LRRC37A2: variants seen among roughly 807,000 people sequenced by gnomAD.
LRRC37A2 encodes leucine-rich repeat-containing protein 37A2.
A neutral mutation model predicts 68.8 loss-of-function variants in LRRC37A2; 9 were observed. The observed-to-expected ratio is 0.13, with a 90% CI of 0.08 to 0.23. LRRC37A2 has a LOEUF of 0.23. LRRC37A2 is among the 10% of genes least tolerant of loss of function. The pLI is 1.00. For missense variants in LRRC37A2, 168 were observed against 950.4 expected, an observed-to-expected ratio of 0.18 and a Z score of 10.82; for synonymous variants, 63 against 367.6, an observed-to-expected ratio of 0.17 and a Z score of 9.48.
chr17:46,691,719 GGT>G, the LRRC37A2 span, among the ~76,000 whole-genome samples: 4 of 151,468 alleles, frequency 2.6e-5, no homozygotes, highest in Non-Finnish European at 1.5e-5. Context: ...GTCATATTTA[GGT>G]TATGTTCATT....
the LRRC37A2 span, among the ~76,000 whole-genome samples, chr17:46,908,227 G>A: frequency 6.6e-6 from 1 of 151,814 alleles, no homozygotes; most frequent in South Asian, 2.1e-4. Context: ...CTTGTGCAAG[G>A]AAGCCTGTCA....
the LRRC37A2 span, among the ~76,000 whole-genome samples, chr17:46,958,787 G>C: frequency 5.2e-4 from 79 of 152,318 alleles, no homozygotes; most frequent in African/African-American, 1.9e-3. Flanking sequence ...TGAAAACTGA[G>C]TCCAGTCCAT....
the LRRC37A2 span, chr17:46,923,649 A>G: frequency 2.7e-6 from 3 of 1,126,378 alleles, no homozygotes; most frequent in South Asian, 4.5e-5. Flanking sequence ...ACGGGAAAGT[A>G]TTTGTATTCT....
At chr17:46,780,269 A>G in the LRRC37A2 span, among the ~76,000 whole-genome samples, 32 of 152,180 alleles carry the variant, frequency 2.1e-4, no homozygotes, top group Non-Finnish European at 3.8e-4. Context: ...CTGTGCTGCC[A>G]GGGACACCCA....
the LRRC37A2 span, chr17:46,768,300 C>T: frequency 1.2e-6 from 2 of 1,613,042 alleles, no homozygotes; most frequent in South Asian, 2.2e-5. The surrounding 1 kb of genome is among the most constrained non-coding windows in gnomAD (Gnocchi z 5.0). Context: ...CCCCTGCTTC[C>T]CGGAGCCCTA....
At chr17:47,018,609 G>C in the LRRC37A2 span, 2 of 1,520,494 alleles carry the variant, frequency 1.3e-6, no homozygotes, top group Admixed American at 3.3e-5. Context: ...TGGACCTTTA[G>C]CAGTTCAACA....
At chr17:46,984,387 T>C in the LRRC37A2 span, among the ~76,000 whole-genome samples, 1 of 152,080 alleles carries the variant, frequency 6.6e-6, no homozygotes, top group Non-Finnish European at 1.5e-5. Context: ...TTAGAGGGGC[T>C]CAGGAGCCTA....
the LRRC37A2 span, among the ~76,000 whole-genome samples, chr17:46,929,024 A>G: frequency 6.6e-6 from 1 of 151,894 alleles, no homozygotes; most frequent in Non-Finnish European, 1.5e-5. Flanking sequence ...GGGCTTGTTC[A>G]TGTCTGTTTA....
the LRRC37A2 span, among the ~76,000 whole-genome samples, chr17:46,961,222 T>C: frequency 2.0e-5 from 3 of 152,062 alleles, no homozygotes; most frequent in Non-Finnish European, 2.9e-5. Flanking sequence ...AGAAATAATA[T>C]GTATAATTTT....
chr17:46,712,050 A>G, the LRRC37A2 span, among the ~76,000 whole-genome samples: 2 of 152,220 alleles, frequency 1.3e-5, no homozygotes, highest in African/African-American at 2.4e-5. Context: ...AAGCCACATC[A>G]TCATCACTGC....
the LRRC37A2 span, among the ~76,000 whole-genome samples, chr17:46,706,975 C>T: frequency 3.4e-5 from 5 of 147,452 alleles, no homozygotes; most frequent in Admixed American, 1.4e-4. Context: ...CTCAGCCTCC[C>T]GAGTAGCTGG....
At chr17:46,879,838 C>T in the LRRC37A2 span, among the ~76,000 whole-genome samples, 2 of 152,292 alleles carry the variant, frequency 1.3e-5, no homozygotes, top group Non-Finnish European at 2.9e-5. Flanking sequence ...GGCACTTCCC[C>T]CAAGTGGAGT....
At chr17:46,757,804 G>A in the LRRC37A2 span, among the ~76,000 whole-genome samples, 1 of 152,020 alleles carries the variant, frequency 6.6e-6, no homozygotes, top group Admixed American at 6.6e-5. Flanking sequence ...AACCAGCCTG[G>A]CCAACATGGT....
chr17:46,793,889 A>G, the LRRC37A2 span, among the ~76,000 whole-genome samples: 4 of 152,128 alleles, frequency 2.6e-5, no homozygotes, highest in African/African-American at 9.7e-5. Context: ...TTGGACCCCA[A>G]ATCCCATGCT....
chr17:46,904,992 A>C, the LRRC37A2 span, among the ~76,000 whole-genome samples: 1 of 152,314 alleles, frequency 6.6e-6, no homozygotes, highest in South Asian at 2.1e-4. Flanking sequence ...GGGATCTTTC[A>C]GCAGGTCTCC....
At chr17:46,887,883 GC>G in the LRRC37A2 span, among the ~76,000 whole-genome samples, 1 of 152,132 alleles carries the variant, frequency 6.6e-6, no homozygotes, top group African/African-American at 2.4e-5. Flanking sequence ...AGTGAGACAG[GC>G]GGAGTCCCTG....
the LRRC37A2 span, chr17:46,940,336 T>A: frequency 6.8e-7 from 1 of 1,464,050 alleles, no homozygotes. Context: ...CTGTGACTCC[T>A]AAAATGGGTT....
At chr17:46,991,526 G>A in the LRRC37A2 span, among the ~76,000 whole-genome samples, 3 of 152,212 alleles carry the variant, frequency 2.0e-5, no homozygotes, top group East Asian at 3.9e-4. Context: ...TACTCAGGAC[G>A]CTGAGGCAGG....
chr17:46,782,993 C>T, the LRRC37A2 span, among the ~76,000 whole-genome samples: 8 of 152,188 alleles, frequency 5.3e-5, no homozygotes, highest in African/African-American at 1.9e-4. Flanking sequence ...CGCCAAGGTG[C>T]CTCAGGGGGT....
Sources: allele counts gnomAD v4.1 joint callset (sites outside exome capture counted in the v4.1 genomes callset), GRCh38; gene constraint gnomAD v4.1.1; non-coding constraint Gnocchi (gnomAD v3.1); transcripts MANE v1.5; gene names NCBI Gene and HGNC (gene_info 2026-07-23, HGNC 2026-07-21).